ESR2: variants seen among roughly 807,000 people sequenced by gnomAD.
ESR2 encodes estrogen receptor beta.
ESR2 carries 36 observed loss-of-function variants against 49.6 expected under a neutral mutation model. The observed-to-expected ratio is 0.73, with a 90% CI of 0.56 to 0.96. ESR2 has a LOEUF of 0.96. Among genes scored for constraint, ESR2 ranks in the 40% least tolerant of loss-of-function variants. ESR2 has a pLI of 0.00. For missense variants in ESR2, 714 were observed against 693.0 expected (o/e 1.03, Z -0.34); for synonymous variants, 320 against 266.1 (o/e 1.20, Z -1.97).
chr14:64,247,895 A>G (rs371484981), intron 7 of ESR2, among the ~76,000 whole-genome samples: 42 of 152,368 alleles, frequency 2.8e-4, no homozygotes, highest in African/African-American at 1.0e-3. Flanking sequence ...ACAATTTAGT[A>G]TAATGCCCTC....
intron 7 of ESR2, among the ~76,000 whole-genome samples, chr14:64,245,470 CCATTGCACT>C (rs2075831267): frequency 7.3e-6 from 1 of 137,346 alleles, no homozygotes; most frequent in South Asian, 2.3e-4. Flanking sequence ...CAAGATCGCA[CCATTGCACT>C]CCAGCCTGGG....
At chr14:64,295,107 G>C (rs1023121207), upstream of ESR2, among the ~76,000 whole-genome samples, 1 of 152,242 alleles carries the variant, frequency 6.6e-6, no homozygotes, top group Non-Finnish European at 1.5e-5. Context: ...CAGGGTGCGA[G>C]ACTAGGACCA....
chr14:64,307,387 G>T (rs934592226), intron 1 of ESR2, among the ~76,000 whole-genome samples: 1 of 149,454 alleles, frequency 6.7e-6, no homozygotes. Context: ...AATTTTTTTT[G>T]TATTTTTAGT....
At chr14:64,288,986 C>CAA (rs35178946) in intron 1 of ESR2, among the ~76,000 whole-genome samples, 19 of 55,590 alleles carry the variant, frequency 3.4e-4, no homozygotes, top group East Asian at 1.4e-3. Flanking sequence ...AACTCTGTCT[C>CAA]AAAAAAAAAA....
intron 2 of ESR2, among the ~76,000 whole-genome samples, chr14:64,280,735 C>T (rs925289220): frequency 2.0e-5 from 3 of 152,148 alleles, no homozygotes; most frequent in Admixed American, 6.5e-5. Context: ...TCAGGTTGGG[C>T]GCAATGGTTC....
chr14:64,303,315 C>T lies in ESR2; in HGVS notation c.-90-20240G>A, dbSNP rs147215089. On this transcript the variant is annotated intron_variant, in intron 1 of 8. Transcript: ENST00000358599. ...GTTCTCTTGTTTTGGGTGCATGGCT[C>T]AGTTTGAATATTGTCTTTTTCTCTA... Among the ~76,000 whole-genome samples the T allele has an allele frequency of 4.2e-4, 64 of 151,380 alleles. No individual in the cohort carries two copies. In the East Asian group the frequency reaches 7.8e-3, roughly 18 times the overall value.
chr14:64,239,486 T>C (rs547448646), intron 7 of ESR2, among the ~76,000 whole-genome samples: 3 of 152,382 alleles, frequency 2.0e-5, no homozygotes, highest in Admixed American at 2.0e-4. Context: ...ACTGTTTAAA[T>C]AGACTTGTTT....
At position 64,231,785 on chromosome 14, in the gene ESR2, A is replaced by G. The variant is rs2098727482; in HGVS notation, c.*1352T>C. The G allele has an allele frequency of 6.6e-6, 1 of 152,166 alleles. No homozygotes were observed. Among genetic ancestry groups the G allele is most frequent in the Non-Finnish European group, 1.5e-5 (1 of 68,032 alleles). 9.4% of individuals were successfully genotyped at this position (152,166 alleles called of 1,614,324 possible). A position where few individuals can be genotyped will look rare whatever the true frequency, so the allele number is the denominator to read the frequency against. ...TTGCTGGCTTCCATAGTATGCTGTT[A>G]CTCATTTTACATATTCACCGTGTAT... On this transcript the variant is annotated 3_prime_UTR_variant, in exon 9 of 9. Coordinates refer to ENST00000341099, the MANE Select transcript of ESR2 (RefSeq NM_001437.3).
upstream of ESR2, among the ~76,000 whole-genome samples, chr14:64,296,795 A>G (rs10137994): frequency 0.027 from 4,178 of 152,314 alleles, 86 homozygotes; most frequent in African/African-American, 0.056. Context: ...TTTATTATAC[A>G]AGGAAACCTC....
chr14:64,308,414 G>GTTCAAAACAC (rs1438462851), intron 1 of ESR2, among the ~76,000 whole-genome samples: 1 of 152,076 alleles, frequency 6.6e-6, no homozygotes, highest in Non-Finnish European at 1.5e-5. Flanking sequence ...TTTTCAGACA[G>GTTCAAAACAC]TTCAAAACAC....
intron 1 of ESR2, among the ~76,000 whole-genome samples, chr14:64,285,725 G>A (rs2076772725): frequency 6.6e-6 from 1 of 151,548 alleles, no homozygotes; most frequent in Non-Finnish European, 1.5e-5. Flanking sequence ...CTACTCGAGA[G>A]GCTAAGACAT....
rs1337690332 is a variant in ESR2, at chr14:64,286,071, A to T, written c.-90-2996T>A. 2.0e-5 allele frequency among the ~76,000 whole-genome samples: 3 copies of T among 152,126 alleles called. No individual in the cohort carries two copies. In the East Asian group the frequency reaches 5.8e-4, roughly 29 times the overall value. On this transcript the variant is annotated intron_variant, in intron 1 of 8. Transcript: ENST00000341099. Reference sequence around the variant, plus strand: ...GGGACTTCAAGGAGTTCTGGGACATACACCCTGCCTTCAGGGAGCTAATGT... The same window carrying T: ...GGGACTTCAAGGAGTTCTGGGACATTCACCCTGCCTTCAGGGAGCTAATGT...
At chr14:64,293,378 A>G (rs920927777) in intron 1 of ESR2, among the ~76,000 whole-genome samples, 2 of 152,256 alleles carry the variant, frequency 1.3e-5, no homozygotes, top group African/African-American at 4.8e-5. Flanking sequence ...ACACCAAAAC[A>G]CAATCCTGCT....
At chr14:64,276,973 C>G (rs568521196) in intron 3 of ESR2, among the ~76,000 whole-genome samples, 1 of 152,150 alleles carries the variant, frequency 6.6e-6, no homozygotes, top group Admixed American at 6.5e-5. Context: ...CCACTGCATC[C>G]GTAGAGCCTG....
intron 1 of ESR2, among the ~76,000 whole-genome samples, chr14:64,332,758 C>T (rs2077477657): frequency 6.8e-6 from 1 of 148,004 alleles, no homozygotes; most frequent in African/African-American, 2.5e-5. Context: ...GGAGATCGCA[C>T]CACTGCACTC....
intron 1 of ESR2, among the ~76,000 whole-genome samples, chr14:64,290,014 A>G (rs528599961): frequency 1.3e-5 from 2 of 152,314 alleles, no homozygotes; most frequent in East Asian, 3.9e-4. Flanking sequence ...AAGATTTAAA[A>G]AGATTTCTTA....
upstream of ESR2, among the ~76,000 whole-genome samples, chr14:64,297,217 A>G (rs2076968013): frequency 6.6e-6 from 1 of 152,224 alleles, no homozygotes; most frequent in African/African-American, 2.4e-5. Flanking sequence ...TAAAGCATTG[A>G]ATTGTTAAAA....
chr14:64,286,907 G>C (rs1296461197), intron 1 of ESR2, among the ~76,000 whole-genome samples: 1 of 151,612 alleles, frequency 6.6e-6, no homozygotes, highest in African/African-American at 2.4e-5. Context: ...AGTAGAGATG[G>C]GGTTTCACCA....
Position 64,283,079 on chromosome 14 carries a change from T to G in ESR2, c.-90-4A>C. The G allele has an allele frequency of 7.7e-7, 1 of 1,306,968 alleles. No individual in the cohort carries two copies. The highest frequency in any genetic ancestry group is 1.0e-6 in the Non-Finnish European group (1 of 955,050). The allele number at this position is 1,306,968 out of a possible 1,614,324, so 81.0% of individuals were successfully genotyped here. On this transcript the variant is annotated splice_region_variant and splice_polypyrimidine_tract_variant and intron_variant, in intron 1 of 8. Coordinates refer to ENST00000341099, the MANE Select transcript of ESR2 (RefSeq NM_001437.3). ...GATTCGTGGGCAAGTATAATGGCTG[T>G]AAAGAAACACAGAAGATATTGCCAA...
Sources: allele counts gnomAD v4.1 joint callset (sites outside exome capture counted in the v4.1 genomes callset), GRCh38; gene constraint gnomAD v4.1.1; transcripts MANE v1.5; gene names NCBI Gene and HGNC (gene_info 2026-07-23, HGNC 2026-07-21).